Variants in IBA57 observed in about 807,000 individuals in gnomAD.
The protein encoded by IBA57 is iron-sulfur cluster assembly factor IBA57.
A neutral mutation model predicts 20.4 loss-of-function variants in IBA57; 20 were observed. The ratio of observed to expected loss-of-function variants is 0.98; its 90% CI spans 0.69 to 1.42. IBA57 has a LOEUF of 1.42. IBA57 is among the 40% of genes most tolerant of loss of function. IBA57 has a pLI of 0.00. For synonymous variants in IBA57, 310 were observed against 233.9 expected (o/e 1.33, Z -2.97); for missense variants, 608 against 499.3 (o/e 1.22, Z -2.07).
chr1:228,168,672 GTGTC>G (rs1178557136), intron 1 of IBA57, among the ~76,000 whole-genome samples: 1 of 152,100 alleles, frequency 6.6e-6, no homozygotes, highest in African/African-American at 2.4e-5. Flanking sequence ...CTTGTGCTGG[GTGTC>G]TGGTGTGTCC....
chr1:228,165,995 G>A lies in IBA57; in HGVS notation c.179G>A (p.Arg60His). ...CGGCTGGACGGGCGCACCCTGCTGC[G>A]CGTGCGTGGCCCCGACGCGGCGCCC... ...CFRLDGRTLL[R>H]VRGPDAAPFL... The change falls in exon 1 of 3, where the codon CGC becomes CAC. Residue 60 changes from arginine to histidine, a missense_variant. Arg to His is a conservative substitution (Grantham distance 29). Coordinates refer to ENST00000366711, the MANE Select transcript of IBA57 (RefSeq NM_001010867.4). The A allele has an allele frequency of 6.5e-7, 1 of 1,527,648 alleles. No individual in the cohort carries two copies. 94.6% of individuals were successfully genotyped at this position (1,527,648 alleles called of 1,614,324 possible).
intron 1 of IBA57, chr1:228,173,218 A>G: frequency 6.6e-6 from 1 of 152,594 alleles, no homozygotes; most frequent in Non-Finnish European, 1.5e-5. Flanking sequence ...GCAAGGACTG[A>G]GCCCTCTCCT....
intron 1 of IBA57, among the ~76,000 whole-genome samples, chr1:228,169,540 G>C (rs1291007501): frequency 6.6e-6 from 1 of 152,136 alleles, no homozygotes; most frequent in East Asian, 1.9e-4. Flanking sequence ...AACCTCTGTT[G>C]ACATGCCATC....
intron 1 of IBA57, among the ~76,000 whole-genome samples, chr1:228,173,806 T>C (rs2034959708): frequency 6.6e-6 from 1 of 152,246 alleles, no homozygotes; most frequent in Non-Finnish European, 1.5e-5. Flanking sequence ...CCCTAGGCTC[T>C]GGGACTACTC....
rs1263563131 is a variant in IBA57, at chr1:228,165,898, A to G, written c.82A>G (p.Arg28Gly). 38 of 1,408,938 alleles carry G rather than the reference A, an allele frequency of 2.7e-5. No homozygotes were observed. Among genetic ancestry groups the G allele is most frequent in the Non-Finnish European group, 3.1e-5 (34 of 1,084,794 alleles). 87.3% of individuals were successfully genotyped at this position (1,408,938 alleles called of 1,614,324 possible). Residue 28 changes from arginine (R) to glycine (G), a missense_variant, in exon 1 of 3, where the codon AGG becomes GGG. Transcript: ENST00000366711. ...GCGCTGGCGGCTGCGCGCGGCCCCA[A>G]GGTGCCGCCTGGCCCACAGCTCCTG... is the stretch of plus-strand genomic sequence containing the variant. ...VWRWRLRAAP[R>G]CRLAHSSCSP... is the part of the protein sequence containing the mutation.
intron 1 of IBA57, chr1:228,172,073 T>TC (rs1469833009): frequency 1.7e-4 from 4 of 23,876 alleles, no homozygotes; most frequent in East Asian, 9.6e-4. Flanking sequence ...TCCTTGTTTT[T>TC]TTTTTTTGTT....
intron 2 of IBA57, 27 bp downstream of exon 2, chr1:228,175,056 T>A (rs370214138): frequency 6.4e-7 from 1 of 1,567,796 alleles, no homozygotes. Flanking sequence ...CACGCTGGGC[T>A]GGATTGCACG....
rs1040720629 is a variant in IBA57, at chr1:228,170,493, A to G, written c.342-4199A>G. On this transcript the variant is annotated intron_variant, in intron 1 of 2. Coordinates refer to ENST00000366711, the MANE Select transcript of IBA57 (RefSeq NM_001010867.4). The surrounding 1 kb of genome is among the most constrained non-coding windows in gnomAD (Gnocchi z 4.8). The stretch of plus-strand genomic sequence containing the variant: ...GACTACAGGTAGTTGAGGTCTCACT[A>G]TGTTGCTCGGGCTGGTCTTGAACTC... 1.3e-5 allele frequency among the ~76,000 whole-genome samples: 2 copies of G among 151,682 alleles called. No individual in the cohort carries two copies. The highest frequency in any genetic ancestry group is 4.8e-5 in the African/African-American group (2 of 41,262).
chr1:228,171,227 G>T lies in IBA57; in HGVS notation c.342-3465G>T, dbSNP rs189268647. On this transcript the variant is annotated intron_variant, in intron 1 of 2. Transcript: ENST00000366711. ...AAATATTTTTGGTTGTCATGATGGGGTGGGGTACAGGCCAGGGGTGCTGCT... is the reference window on the plus strand; with the variant it reads ...AAATATTTTTGGTTGTCATGATGGGTTGGGGTACAGGCCAGGGGTGCTGCT... The T allele has an allele frequency of 3.9e-5, 6 of 152,426 alleles. No individual in the cohort carries two copies. The East Asian group carries it at 1.2e-3, about 29-fold the overall frequency. The allele number at this position is 152,426 out of a possible 1,614,324, so 9.4% of individuals were successfully genotyped here. A position where few individuals can be genotyped will look rare whatever the true frequency, so the allele number is the denominator to read the frequency against.
chr1:228,166,668 C>T (rs1158181069), intron 1 of IBA57, among the ~76,000 whole-genome samples: 4 of 152,200 alleles, frequency 2.6e-5, no homozygotes, highest in Admixed American at 2.6e-4. Flanking sequence ...TGTGTCTCCC[C>T]ATAGCTGGTC....
rs2035032793 is a variant in IBA57, at chr1:228,176,859, G to A, written c.*1346G>A. 6.6e-6 allele frequency: 1 copy of A among 152,528 alleles called. No homozygotes were observed. The highest frequency in any genetic ancestry group is 2.4e-5 in the African/African-American group (1 of 41,470). 9.4% of individuals were successfully genotyped at this position (152,528 alleles called of 1,614,324 possible). ...CGGGAGGAAGCGGCTGCAGCTGGAGGGAAGAGAGGGGCCGTCCAGCCTCAC... is the reference window on the plus strand; with the variant it reads ...CGGGAGGAAGCGGCTGCAGCTGGAGAGAAGAGAGGGGCCGTCCAGCCTCAC... On this transcript the variant is annotated 3_prime_UTR_variant, in exon 3 of 3. Transcript: ENST00000366711.
rs542858407 is a variant in IBA57 at position 228,181,315 on chromosome 1, T to C, written c.*5802T>C. The C allele has an allele frequency of 2.0e-5, 3 of 152,370 alleles. No individual in the cohort carries two copies. The highest frequency in any genetic ancestry group is 2.1e-4 in the South Asian group (1 of 4,814). 9.4% of individuals were successfully genotyped at this position (152,370 alleles called of 1,614,324 possible). ...TGAGTCAGCCTCAGGTATTCTCTTG[T>C]AGCAGCACAAATGGAGGCAGACACT... On this transcript the variant is annotated 3_prime_UTR_variant, in exon 3 of 3. Transcript: ENST00000366711.
chr1:228,174,568 G>A (rs911223328), intron 1 of IBA57, 124 bp from the exon 2 acceptor site: 1 of 915,348 alleles, frequency 1.1e-6, no homozygotes, highest in Non-Finnish European at 1.6e-6. Context: ...GTGGCTGAGG[G>A]CAGAGCTCTT....
intron 1 of IBA57, among the ~76,000 whole-genome samples, chr1:228,173,783 G>A (rs1315812323): frequency 6.6e-6 from 1 of 152,232 alleles, no homozygotes; most frequent in Non-Finnish European, 1.5e-5. Flanking sequence ...CCAGCGGACT[G>A]TTGTCATTTC....
chr1:228,167,339 A>G (rs1295932116), intron 1 of IBA57, among the ~76,000 whole-genome samples: 1 of 145,240 alleles, frequency 6.9e-6, no homozygotes, highest in Non-Finnish European at 1.5e-5. Flanking sequence ...GTTGGATTCC[A>G]GGTGGTCTGG....
chr1:228,179,927 AG>A lies in IBA57; in HGVS notation c.*4416del. The stretch of plus-strand genomic sequence containing the variant: ...TCCCAGCACTTTGGGAGGCCAAGGC[AG>A]GTGGATCACCTGAGGTCAGGAGTTC... On this transcript the variant is annotated 3_prime_UTR_variant, in exon 3 of 3. Transcript: ENST00000366711. The A allele has an allele frequency of 6.6e-6, 1 of 152,190 alleles. No homozygotes were observed. The highest frequency in any genetic ancestry group is 3.4e-3 in the Middle Eastern group (1 of 294). The allele number at this position is 152,190 out of a possible 1,614,324, so 9.4% of individuals were successfully genotyped here. A position where few individuals can be genotyped will look rare whatever the true frequency, so the allele number is the denominator to read the frequency against.
At chr1:228,168,351 C>G (rs117402908) in intron 1 of IBA57, among the ~76,000 whole-genome samples, 1 of 152,196 alleles carries the variant, frequency 6.6e-6, no homozygotes. Context: ...ATGCATAAGG[C>G]TTCCAGTCAA....
Position 228,175,195 on chromosome 1 carries a change from C to T in IBA57, c.753C>T (p.Asn251=), listed in dbSNP as rs375524486. ...TGGAGTCCAACCTGGCCTTCATGAA[C>T]GGCGTGAGCTTCACCAAAGGCTGCT... ...LPLESNLAFM[N]GVSFTKGCYI... is the part of the protein sequence containing the mutation. The change falls in exon 3 of 3, where the codon AAC becomes AAT. Residue 251 remains asparagine, a synonymous_variant. Coordinates refer to ENST00000366711, the MANE Select transcript of IBA57 (RefSeq NM_001010867.4). 29 of 1,612,890 alleles carry T rather than the reference C, an allele frequency of 1.8e-5. No homozygotes were observed. The highest frequency in any genetic ancestry group is 1.3e-4 in the African/African-American group (10 of 75,024).
Position 228,174,842 on chromosome 1 carries a change from C to T in IBA57, c.492C>T (p.Pro164=), listed in dbSNP as rs1487741902. 3.1e-6 allele frequency: 5 copies of T among 1,610,328 alleles called. No homozygotes were observed. In the South Asian group the frequency reaches 4.4e-5, roughly 14 times the overall value. The change falls in exon 2 of 3, where the codon CCC becomes CCT. Residue 164 remains proline (P), a synonymous_variant. Coordinates refer to ENST00000366711, the MANE Select transcript of IBA57 (RefSeq NM_001010867.4). ...AGCTGCGAGTGTGGGCGGTGTTGCC[C>T]AGTTCCCCTGAGGCCTGCGGGGCTG... is the stretch of plus-strand genomic sequence containing the variant. ...HPELRVWAVL[P]SSPEACGAAS...
Sources: gnomAD v4.1 joint callset for allele counts (sites outside exome capture counted in the v4.1 genomes callset) on GRCh38, gnomAD v4.1.1 for gene constraint, Gnocchi (gnomAD v3.1) non-coding constraint, MANE v1.5 for transcripts, NCBI Gene and HGNC (gene_info 2026-07-23, HGNC 2026-07-21) for gene names.